CNTRL: variants seen among roughly 807,000 people sequenced by gnomAD.
CNTRL encodes 110 kDa centrosomal protein.
Under a neutral mutation model 303.7 loss-of-function variants are expected in CNTRL, and 233 were observed. The observed-to-expected ratio is 0.77, with a 90% CI of 0.69 to 0.86. The LOEUF is 0.86. CNTRL is among the 40% of genes least tolerant of loss of function. CNTRL has a pLI of 0.00. For synonymous variants in CNTRL, 900 were observed against 922.2 expected, an observed-to-expected ratio of 0.98 and a Z score of 0.44; for missense variants, 2,524 against 2,650.6, an observed-to-expected ratio of 0.95 and a Z score of 1.05.
At chr9:121,122,252 C>T (rs1434640946) in intron 12 of CNTRL, 1 of 264,092 alleles carries the variant, frequency 3.8e-6, no homozygotes, top group Admixed American at 6.5e-5. Context: ...AGAATGTAAG[C>T]TGTTATATGT....
At chr9:121,141,982 ATTAAG>A (rs1265130388) in intron 18 of CNTRL, 104 bp from the exon 19 acceptor site, 1 of 871,406 alleles carries the variant, frequency 1.1e-6, no homozygotes, top group Non-Finnish European at 1.7e-6. Context: ...TTAGTAAAAA[ATTAAG>A]TTACAGCCTG....
At chr9:121,144,612 A>G (rs2051724926) in intron 20 of CNTRL, among the ~76,000 whole-genome samples, 1 of 152,220 alleles carries the variant, frequency 6.6e-6, no homozygotes, top group Admixed American at 6.5e-5. Context: ...TAAAAGTAAA[A>G]AAGTAAAAAA....
chr9:121,141,145 G>A (rs1258787739), intron 17 of CNTRL, among the ~76,000 whole-genome samples: 2 of 152,076 alleles, frequency 1.3e-5, no homozygotes, highest in Non-Finnish European at 2.9e-5. Flanking sequence ...ATATGAAATG[G>A]ACATTTATTC....
intron 1 of CNTRL, 51 bp downstream of exon 1, chr9:121,075,118 T>G: frequency 8.4e-6 from 3 of 355,734 alleles, no homozygotes; most frequent in Non-Finnish European, 1.7e-5. Flanking sequence ...GCCCGAGCAG[T>G]GGGGGCCGGC....
intron 32 of CNTRL, among the ~76,000 whole-genome samples, chr9:121,160,852 A>C (rs2052812888): frequency 6.6e-6 from 1 of 152,116 alleles, no homozygotes; most frequent in Non-Finnish European, 1.5e-5. Flanking sequence ...ATTGATGTGC[A>C]CCTATAGTCC....
At position 121,112,473 on chromosome 9, in the gene CNTRL, CAT is replaced by C. The variant is rs2049790347; in HGVS notation, c.1019_1020del (p.Ile340ArgfsTer11). On this transcript the variant is annotated frameshift_variant, in exon 9 of 44. Coordinates refer to ENST00000373855, the MANE Select transcript of CNTRL (RefSeq NM_007018.6). LOFTEE classifies it high-confidence loss of function. ...TGGGCCAATAGCTAAAACAGAAGAC[CAT>C]AGAATTAACACGAGCATGTCAGAAG... is the stretch of plus-strand genomic sequence containing the variant. ...TKNELLKQKT[I>X]ELTRACQKQY... 2.5e-6 allele frequency: 4 copies of C among 1,612,398 alleles called. No individual in the cohort carries two copies. Among genetic ancestry groups the C allele is most frequent in the Non-Finnish European group, 3.4e-6 (4 of 1,179,018 alleles).
intron 1 of CNTRL, among the ~76,000 whole-genome samples, chr9:121,076,694 AAAG>A (rs1249749809): frequency 1.3e-5 from 2 of 152,090 alleles, no homozygotes; most frequent in Non-Finnish European, 2.9e-5. Context: ...AGAATGGGAT[AAAG>A]AAGAATGGGA....
intron 40 of CNTRL, 134 bp from the exon 41 acceptor site, chr9:121,173,109 A>G: frequency 1.3e-6 from 1 of 779,492 alleles, no homozygotes; most frequent in Non-Finnish European, 2.0e-6. Context: ...CTGAAAAATC[A>G]CAAGTTTTTA....
In CNTRL at chr9:121,163,262, G is replaced by A. The variant is rs576167704; in HGVS notation, c.5423+991G>A. On this transcript the variant is annotated intron_variant, in intron 34 of 43. Coordinates refer to ENST00000373855, the MANE Select transcript of CNTRL (RefSeq NM_007018.6). ...TTGAGCCAGGGAGATTGAGGCTGCA[G>A]TGAGCCATAATGATACCATTGCACT... is the stretch of plus-strand genomic sequence containing the variant. Among the ~76,000 whole-genome samples, 12 of 150,384 alleles carry A rather than the reference G, an allele frequency of 8.0e-5. No individual in the cohort carries two copies. In the South Asian group the frequency reaches 2.5e-3, roughly 31 times the overall value.
At chr9:121,103,579 C>T (rs1216076202) in intron 7 of CNTRL, among the ~76,000 whole-genome samples, 1 of 152,138 alleles carries the variant, frequency 6.6e-6, no homozygotes, top group Non-Finnish European at 1.5e-5. Context: ...AGCTTCTGCA[C>T]AGCAAAAGAA....
Position 121,115,153 on chromosome 9 carries a change from G to A in CNTRL, c.1408G>A (p.Ala470Thr). 6.2e-7 allele frequency: 1 copy of A among 1,609,972 alleles called. No individual in the cohort carries two copies. The highest frequency in any genetic ancestry group is 1.1e-5 in the South Asian group (1 of 90,442). Residue 470 changes from alanine (A) to threonine (T), a missense_variant, in exon 11 of 44, where the codon GCT becomes ACT. Coordinates refer to ENST00000373855, the MANE Select transcript of CNTRL (RefSeq NM_007018.6). ...AAAGGCAGAACAACAAATTTTGAGA[G>A]CTACTGAAGAATTTAAACAACTGGA... ...IEKAEQQILR[A>T]TEEFKQLEEA...
chr9:121,156,330 G>A lies in CNTRL; in HGVS notation c.4366-1140G>A, dbSNP rs372535667. On this transcript the variant is annotated intron_variant, in intron 27 of 43. Transcript: ENST00000373855. ...CCTCCCAAAATGACTCAGGGAGGCA[G>A]CTTGGTAAGAAGGAGGAGGAGAGAG... Among the ~76,000 whole-genome samples the A allele has an allele frequency of 1.4e-3, 209 of 152,254 alleles. 2 individuals carry two copies. Among genetic ancestry groups the A allele is most frequent in the African/African-American group, 4.6e-3 (191 of 41,542 alleles).
At chr9:121,166,045 A>T in intron 35 of CNTRL, 62 bp from the exon 36 acceptor site, 1 of 1,283,450 alleles carries the variant, frequency 7.8e-7, no homozygotes, top group East Asian at 2.4e-5. Flanking sequence ...GGGAATGCTA[A>T]TGGGAATCTG....
chr9:121,150,719 A>G (rs375623148), intron 25 of CNTRL: 1 of 476,332 alleles, frequency 2.1e-6, no homozygotes, highest in South Asian at 3.8e-5. Flanking sequence ...GCTTGAGCCT[A>G]GGAATTCAAG....
chr9:121,137,193 T>G (rs973189373), intron 15 of CNTRL, among the ~76,000 whole-genome samples: 24 of 152,252 alleles, frequency 1.6e-4, no homozygotes, highest in African/African-American at 5.8e-4. Flanking sequence ...ATTAGCCAGA[T>G]GAGCTGCATC....
At chr9:121,114,613 G>T (rs560465797) in intron 10 of CNTRL, among the ~76,000 whole-genome samples, 1 of 152,224 alleles carries the variant, frequency 6.6e-6, no homozygotes, top group African/African-American at 2.4e-5. Context: ...TAAATTTGAG[G>T]TTGAAAATAA....
At chr9:121,144,122 C>G in intron 20 of CNTRL, 40 bp downstream of exon 20, 2 of 1,507,714 alleles carry the variant, frequency 1.3e-6, no homozygotes, top group Non-Finnish European at 1.8e-6. Context: ...ATCAATGATG[C>G]TGCTGTCAAA....
At chr9:121,169,498 A>T in intron 38 of CNTRL, 113 bp from the exon 39 acceptor site, 1 of 1,014,266 alleles carries the variant, frequency 9.9e-7, no homozygotes, top group Admixed American at 2.1e-5. Flanking sequence ...AATGGAGGAA[A>T]GCACCTGCAT....
At chr9:121,105,659 T>C (rs1315099056) in intron 7 of CNTRL, among the ~76,000 whole-genome samples, 1 of 152,024 alleles carries the variant, frequency 6.6e-6, no homozygotes, top group Non-Finnish European at 1.5e-5. Context: ...AACCAGGAAA[T>C]AGTGGGAAAT....
Sources: gnomAD v4.1 joint callset for allele counts (sites outside exome capture counted in the v4.1 genomes callset) on GRCh38, gnomAD v4.1.1 for gene constraint, MANE v1.5 for transcripts, NCBI Gene and HGNC (gene_info 2026-07-23, HGNC 2026-07-21) for gene names.